ADAMDEC1: variants seen among roughly 807,000 people sequenced by gnomAD.
ADAMDEC1 encodes the protein ADAM like decysin 1.
ADAMDEC1 carries 62 observed loss-of-function variants against 60.4 expected under a neutral mutation model. The ratio of observed to expected loss-of-function variants is 1.03; its 90% CI spans 0.84 to 1.27. The LOEUF (loss-of-function observed/expected upper bound fraction) is 1.27. Ranked by LOEUF, ADAMDEC1 falls within the 50% of genes most tolerant of loss-of-function variation. The pLI, the probability that ADAMDEC1 is intolerant of heterozygous loss-of-function variation, is 0.00. For synonymous variants in ADAMDEC1, 210 were observed against 195.1 expected, an observed-to-expected ratio of 1.08 and a Z score of -0.64; for missense variants, 595 against 565.0, an observed-to-expected ratio of 1.05 and a Z score of -0.54.
chr8:24,402,779 C>G (rs1357534905), intron 12 of ADAMDEC1, among the ~76,000 whole-genome samples: 1 of 152,086 alleles, frequency 6.6e-6, no homozygotes, highest in Non-Finnish European at 1.5e-5. Context: ...ACTCTCTATG[C>G]TTCAGTTTAT....
chr8:24,398,739 T>G (rs906626940), intron 8 of ADAMDEC1, 135 bp from the exon 9 acceptor site: 3 of 1,075,952 alleles, frequency 2.8e-6, no homozygotes, highest in African/African-American at 3.2e-5. Flanking sequence ...AAGACAACTT[T>G]TAAAATTTTT....
At chr8:24,399,907 C>T (rs918725284) in intron 10 of ADAMDEC1, among the ~76,000 whole-genome samples, 1 of 152,116 alleles carries the variant, frequency 6.6e-6, no homozygotes, top group African/African-American at 2.4e-5. Context: ...CCTATGAGTA[C>T]TTCCTATGAA....
chr8:24,403,926 G>T, intron 12 of ADAMDEC1, 77 bp from the exon 13 acceptor site: 1 of 1,172,412 alleles, frequency 8.5e-7, no homozygotes. Context: ...TTGCCATCTT[G>T]TGCCAGAATT....
At chr8:24,397,497 C>T (rs752476535) in intron 6 of ADAMDEC1, 41 bp downstream of exon 6, 14 of 1,601,562 alleles carry the variant, frequency 8.7e-6, no homozygotes, top group Non-Finnish European at 2.6e-6. Context: ...CTTCAATTGT[C>T]TCAGCAAAGA....
chr8:24,394,072 C>G lies in ADAMDEC1; in HGVS notation c.288C>G (p.His96Gln), dbSNP rs1295706367. Residue 96 changes from histidine (H) to glutamine (Q), a missense_variant, in exon 4 of 14, where the codon CAC becomes CAG. His to Gln is a conservative substitution (Grantham distance 24). Transcript: ENST00000256412. ...EIILSLQKTKHLLGPDYTETL... is the reference protein window; with the variant it reads ...EIILSLQKTKQLLGPDYTETL... The stretch of plus-strand genomic sequence containing the variant: ...TGCAGCTCTCTGCTCTCTACAGGCA[C>G]CTCCTGGGGCCAGACTACACTGAAA... The G allele has an allele frequency of 1.2e-6, 2 of 1,611,898 alleles. No individual in the cohort carries two copies. Among genetic ancestry groups the G allele is most frequent in the Non-Finnish European group, 1.7e-6 (2 of 1,178,292 alleles).
chr8:24,399,245 C>A, intron 9 of ADAMDEC1, 148 bp from the exon 10 acceptor site: 2 of 996,418 alleles, frequency 2.0e-6, no homozygotes, highest in Non-Finnish European at 3.0e-6. Context: ...CATCTGTGGT[C>A]ATAACACTAA....
intron 3 of ADAMDEC1, among the ~76,000 whole-genome samples, chr8:24,393,834 A>T (rs1182013177): frequency 6.6e-6 from 1 of 152,168 alleles, no homozygotes; most frequent in East Asian, 1.9e-4. Flanking sequence ...TAATTTGAAG[A>T]TAGGGATCTG....
chr8:24,400,339 C>A (rs116311320), intron 11 of ADAMDEC1, 39 bp downstream of exon 11: 2 of 1,555,682 alleles, frequency 1.3e-6, no homozygotes, highest in African/African-American at 1.4e-5. Context: ...AGATATTTTC[C>A]AAATCTTTTT....
At chr8:24,397,542 T>A in intron 6 of ADAMDEC1, 86 bp downstream of exon 6, 1 of 1,497,300 alleles carries the variant, frequency 6.7e-7, no homozygotes, top group Non-Finnish European at 9.2e-7. Context: ...AAATGAGTAG[T>A]ATGTGTATGT....
At chr8:24,396,268 T>TG (rs1289244375) in intron 5 of ADAMDEC1, among the ~76,000 whole-genome samples, 1 of 152,124 alleles carries the variant, frequency 6.6e-6, no homozygotes, top group Non-Finnish European at 1.5e-5. Flanking sequence ...CCCAGCACTT[T>TG]GGGAGGGCGA....
At chr8:24,388,020 A>C (rs1426731108) in intron 1 of ADAMDEC1, 1 of 152,342 alleles carries the variant, frequency 6.6e-6, no homozygotes, top group African/African-American at 2.4e-5. Context: ...GTAGGTAATT[A>C]ACATTTATTG....
intron 9 of ADAMDEC1, 57 bp downstream of exon 9, chr8:24,399,097 C>T: frequency 6.5e-7 from 1 of 1,542,154 alleles, no homozygotes; most frequent in Admixed American, 2.0e-5. Flanking sequence ...CCCCAGGGTT[C>T]CTTAGCAGGG....
chr8:24,398,471 A>G lies in ADAMDEC1; in HGVS notation c.691-9A>G. The G allele has an allele frequency of 6.6e-7, 1 of 1,526,466 alleles. No individual in the cohort carries two copies. The highest frequency in any genetic ancestry group is 1.8e-5 in the Admixed American group (1 of 54,402). 94.6% of individuals were successfully genotyped at this position (1,526,466 alleles called of 1,614,324 possible). A position where few individuals can be genotyped will look rare whatever the true frequency, so the allele number is the denominator to read the frequency against. On this transcript the variant is annotated splice_polypyrimidine_tract_variant and intron_variant, in intron 7 of 13. Coordinates refer to ENST00000256412, the MANE Select transcript of ADAMDEC1 (RefSeq NM_014479.3). ...TATTTCACTATACTTTGTGTTTTGTATTTTACAGTATAAGAACTATAATGA... is the reference window on the plus strand; with the variant it reads ...TATTTCACTATACTTTGTGTTTTGTGTTTTACAGTATAAGAACTATAATGA...
chr8:24,393,223 C>G, intron 2 of ADAMDEC1, 39 bp from the exon 3 acceptor site: 1 of 1,288,302 alleles, frequency 7.8e-7, no homozygotes, highest in Non-Finnish European at 1.1e-6. Flanking sequence ...TAGTTATGCT[C>G]AGAAATATAA....
intron 1 of ADAMDEC1, 37 bp from the exon 2 acceptor site, chr8:24,392,225 T>A: frequency 6.6e-7 from 1 of 1,512,530 alleles, no homozygotes; most frequent in Non-Finnish European, 9.0e-7. Flanking sequence ...CCAAAACCTT[T>A]AAATCTTTTA....
At chr8:24,403,870 T>A in intron 12 of ADAMDEC1, 133 bp from the exon 13 acceptor site, 1 of 619,650 alleles carries the variant, frequency 1.6e-6, no homozygotes, top group South Asian at 2.4e-5. Flanking sequence ...TCATTTTCAC[T>A]GGAATTTGCC....
At chr8:24,389,514 C>T (rs1817382989) in intron 1 of ADAMDEC1, among the ~76,000 whole-genome samples, 1 of 152,110 alleles carries the variant, frequency 6.6e-6, no homozygotes, top group Non-Finnish European at 1.5e-5. Flanking sequence ...TCTACACTTG[C>T]CTCTCTGCAG....
rs1233018382 is a variant in ADAMDEC1, at chr8:24,404,076, C to G, written c.1394C>G (p.Pro465Arg). ...GGAACTGATTGCGGAGGAGATGCTCCAAACCATACCACGTAAGACCTTTTG... is the reference window on the plus strand; with the variant it reads ...GGAACTGATTGCGGAGGAGATGCTCGAAACCATACCACGTAAGACCTTTTG... ...KPGTDCGGDA[P>R]NHTTE Residue 465 changes from proline to arginine, a missense_variant, in exon 13 of 14, where the codon CCA (proline) becomes CGA (arginine). Pro to Arg is a moderately radical substitution (Grantham distance 103, BLOSUM62 -2). Transcript: ENST00000256412. The G allele has an allele frequency of 6.2e-7, 1 of 1,613,562 alleles. No individual in the cohort carries two copies. The highest frequency in any genetic ancestry group is 8.5e-7 in the Non-Finnish European group (1 of 1,179,718).
chr8:24,399,195 A>G (rs111440812), intron 9 of ADAMDEC1, among the ~76,000 whole-genome samples, 155 bp downstream of exon 9: 1,612 of 152,338 alleles, frequency 0.011, 26 homozygotes, highest in African/African-American at 0.037. Flanking sequence ...TATTGGATCA[A>G]TAATCAGATG....
Sources: gnomAD v4.1 joint callset for allele counts (sites outside exome capture counted in the v4.1 genomes callset) on GRCh38, gnomAD v4.1.1 for gene constraint, MANE v1.5 for transcripts, NCBI Gene and HGNC (gene_info 2026-07-23, HGNC 2026-07-21) for gene names.